The following TENM2 variants were observed in gnomAD, a reference collection of about 807,000 sequenced individuals.
TENM2 encodes the protein teneurin transmembrane protein 2.
Under a neutral mutation model 245.2 loss-of-function variants are expected in TENM2, and 52 were observed. That is an observed-to-expected ratio of 0.21 (90% CI 0.17 to 0.27). TENM2 has a LOEUF of 0.27. Among genes scored for constraint, TENM2 ranks in the 10% least tolerant of loss-of-function variants. The pLI is 1.00. For synonymous variants in TENM2, 1,363 were observed against 1,438.9 expected (o/e 0.95, Z 1.19); for missense variants, 3,046 against 3,666.8 (o/e 0.83, Z 4.37).
the TENM2 span, among the ~76,000 whole-genome samples, chr5:167,229,441 T>G: frequency 6.6e-6 from 1 of 152,150 alleles, no homozygotes; most frequent in African/African-American, 2.4e-5. Flanking sequence ...GTGGGTGTGG[T>G]GTAGGTGCTG....
At chr5:168,027,599 G>A (rs1786740330) in intron 5 of TENM2, among the ~76,000 whole-genome samples, 1 of 152,040 alleles carries the variant, frequency 6.6e-6, no homozygotes, top group Admixed American at 6.6e-5. Flanking sequence ...GTTCTTTTAT[G>A]GATGCTTGGT....
chr5:167,274,920 T>C, the TENM2 span, among the ~76,000 whole-genome samples: 1 of 152,028 alleles, frequency 6.6e-6, no homozygotes, highest in Non-Finnish European at 1.5e-5. Flanking sequence ...TTCTCAGATA[T>C]ATGGTTTGTA....
intron 3 of TENM2, among the ~76,000 whole-genome samples, chr5:167,888,036 ATT>A (rs1310626024): frequency 6.6e-6 from 1 of 152,138 alleles, no homozygotes; most frequent in Non-Finnish European, 1.5e-5. Context: ...AGGGATACCA[ATT>A]ATTGAATTTA....
At chr5:167,791,938 A>T (rs896910584) in intron 2 of TENM2, among the ~76,000 whole-genome samples, 1 of 152,082 alleles carries the variant, frequency 6.6e-6, no homozygotes, top group Non-Finnish European at 1.5e-5. Context: ...TCCATACTCC[A>T]TCCACTCTCT....
intron 2 of TENM2, among the ~76,000 whole-genome samples, chr5:167,431,940 CATATATATGTATAT>C (rs1295790640): frequency 1.5e-5 from 1 of 65,856 alleles, no homozygotes; most frequent in African/African-American, 5.9e-5. Flanking sequence ...TATATATATA[CATATATATGTATAT>C]ATATATGTAT....
chr5:167,583,674 A>G (rs1476461577), intron 2 of TENM2, among the ~76,000 whole-genome samples: 1 of 152,206 alleles, frequency 6.6e-6, no homozygotes, highest in Non-Finnish European at 1.5e-5. Flanking sequence ...TAATCTAGCA[A>G]TTATTAAATC....
At chr5:167,881,442 G>C (rs1195585198) in intron 3 of TENM2, among the ~76,000 whole-genome samples, 1 of 152,110 alleles carries the variant, frequency 6.6e-6, no homozygotes, top group African/African-American at 2.4e-5. Context: ...AGTTTCTCTG[G>C]TGACAGATTC....
intron 1 of TENM2, among the ~76,000 whole-genome samples, chr5:167,299,241 A>C (rs1429281331): frequency 6.6e-6 from 1 of 152,172 alleles, no homozygotes; most frequent in Admixed American, 6.5e-5. Context: ...TTGACTAATA[A>C]AGGCTGGTCT....
chr5:167,050,293 A>G, the TENM2 span, among the ~76,000 whole-genome samples: 14 of 152,008 alleles, frequency 9.2e-5, no homozygotes, highest in Non-Finnish European at 1.8e-4. Flanking sequence ...AGAACCACGG[A>G]CCCTACTGTG....
chr5:167,313,285 A>G (rs1449973727), intron 1 of TENM2, among the ~76,000 whole-genome samples: 1 of 152,060 alleles, frequency 6.6e-6, no homozygotes, highest in Non-Finnish European at 1.5e-5. Flanking sequence ...AGGGGTGTAC[A>G]ATCTTTTGGC....
At chr5:168,011,727 C>A (rs1297461621) in intron 5 of TENM2, among the ~76,000 whole-genome samples, 1 of 152,102 alleles carries the variant, frequency 6.6e-6, no homozygotes, top group Non-Finnish European at 1.5e-5. Flanking sequence ...CTGGTCAGCT[C>A]TATGCAGCGT....
intron 7 of TENM2, among the ~76,000 whole-genome samples, chr5:168,079,710 C>A (rs539216610): frequency 6.6e-6 from 1 of 152,246 alleles, no homozygotes; most frequent in Non-Finnish European, 1.5e-5. Context: ...GTCTTTGGTT[C>A]TGTTTATGTG....
chr5:167,276,744 A>T, the TENM2 span, among the ~76,000 whole-genome samples: 1 of 152,004 alleles, frequency 6.6e-6, no homozygotes, highest in East Asian at 1.9e-4. Flanking sequence ...ACCTAACACA[A>T]TGTAAATGCT....
chr5:168,200,020 G>T (rs1286811254), exon 17 of TENM2: 1 of 1,613,956 alleles, frequency 6.2e-7, no homozygotes, highest in Non-Finnish European at 8.5e-7. Context: ...GGCTGTCGAG[G>T]GGCATCTCTT....
the TENM2 span, among the ~76,000 whole-genome samples, chr5:167,005,448 A>T: frequency 6.6e-6 from 1 of 152,102 alleles, no homozygotes; most frequent in Non-Finnish European, 1.5e-5. Flanking sequence ...ACCATCTTGG[A>T]CTTTCAAAAA....
chr5:167,253,383 C>T, the TENM2 span, among the ~76,000 whole-genome samples: 1 of 151,778 alleles, frequency 6.6e-6, no homozygotes, highest in Non-Finnish European at 1.5e-5. Flanking sequence ...TAGGCAAGAG[C>T]CACTGCCCCT....
At chr5:168,199,570 C>T (rs1283027446) in intron 16 of TENM2, among the ~76,000 whole-genome samples, 3 of 152,150 alleles carry the variant, frequency 2.0e-5, no homozygotes, top group African/African-American at 7.2e-5. Flanking sequence ...AGCAATAAAG[C>T]CTGCTGTTCT....
intron 2 of TENM2, among the ~76,000 whole-genome samples, chr5:167,867,427 C>T (rs986913277): frequency 2.6e-5 from 4 of 152,166 alleles, no homozygotes; most frequent in African/African-American, 9.7e-5. Context: ...CATGCTTGAG[C>T]TCCTCCTGCA....
intron 2 of TENM2, among the ~76,000 whole-genome samples, chr5:167,764,153 T>C (rs1762854307): frequency 6.6e-6 from 1 of 152,144 alleles, no homozygotes; most frequent in East Asian, 1.9e-4. Context: ...AATATATTGT[T>C]AGGGATAAAT....
Sources: allele counts gnomAD v4.1 joint callset (sites outside exome capture counted in the v4.1 genomes callset), GRCh38; gene constraint gnomAD v4.1.1; transcripts MANE v1.5; gene names NCBI Gene and HGNC (gene_info 2026-07-23, HGNC 2026-07-21).